The following AFDN variants were observed in gnomAD, a reference collection of about 807,000 sequenced individuals.
The protein encoded by AFDN is afadin.
In AFDN, 68 loss-of-function variants were observed where a neutral mutation model predicts 216.6. The ratio of observed to expected loss-of-function variants is 0.31; its 90% CI spans 0.26 to 0.38. AFDN has a LOEUF of 0.38. Ranked by LOEUF, AFDN falls within the 10% of genes least tolerant of loss-of-function variation. The probability of loss-of-function intolerance (pLI) is 1.00; values close to 1 mark genes in which losing one functional copy is unlikely to be tolerated. For missense variants in AFDN, 2,136 were observed against 2,342.0 expected (o/e 0.91, Z 1.82); for synonymous variants, 868 against 853.7 (o/e 1.02, Z -0.29).
intron 13 of AFDN, among the ~76,000 whole-genome samples, chr6:167,909,527 G>A (rs556543458): frequency 2.2e-4 from 33 of 152,164 alleles, no homozygotes; most frequent in African/African-American, 7.7e-4. Context: ...TTTAATGAGT[G>A]GACCAGCAAT....
chr6:167,844,720 A>G (rs1352009279), intron 1 of AFDN, among the ~76,000 whole-genome samples: 2 of 152,190 alleles, frequency 1.3e-5, no homozygotes, highest in African/African-American at 2.4e-5. Flanking sequence ...TGTTGTGACT[A>G]TGACCCTTTA....
chr6:167,865,215 G>A (rs1000625981), intron 2 of AFDN, among the ~76,000 whole-genome samples: 3 of 152,032 alleles, frequency 2.0e-5, no homozygotes, highest in Non-Finnish European at 4.4e-5. Context: ...ATAATTTAGG[G>A]TATGTATCTT....
chr6:167,937,191 G>T (rs1794116278), intron 23 of AFDN, among the ~76,000 whole-genome samples: 1 of 152,138 alleles, frequency 6.6e-6, no homozygotes, highest in Admixed American at 6.5e-5. Context: ...TGAAGTGGAG[G>T]CCCGAATGCC....
At chr6:167,968,936 G>A (rs1583094137) in intron 32 of AFDN, 178 bp from the exon 33 acceptor site, 1 of 583,482 alleles carries the variant, frequency 1.7e-6, no homozygotes, top group South Asian at 2.0e-5. Flanking sequence ...GATTACTCAG[G>A]CCACCAACAG....
At chr6:167,843,262 A>G (rs1274271837) in intron 1 of AFDN, among the ~76,000 whole-genome samples, 1 of 152,224 alleles carries the variant, frequency 6.6e-6, no homozygotes, top group East Asian at 1.9e-4. Context: ...GGAGGACTCC[A>G]GACTGCTAAA....
intron 5 of AFDN, among the ~76,000 whole-genome samples, chr6:167,877,219 A>G (rs1024464772): frequency 1.3e-5 from 2 of 152,170 alleles, no homozygotes; most frequent in Admixed American, 6.5e-5. Context: ...TTTATTGGAA[A>G]GATGTTGATG....
chr6:167,878,183 CAGA>C (rs1320759305), intron 5 of AFDN, among the ~76,000 whole-genome samples: 1 of 151,962 alleles, frequency 6.6e-6, no homozygotes, highest in African/African-American at 2.4e-5. Flanking sequence ...CTGTGAAGTG[CAGA>C]AGAACATGGA....
intron 5 of AFDN, among the ~76,000 whole-genome samples, chr6:167,878,820 A>G (rs1208343833): frequency 6.6e-6 from 1 of 152,106 alleles, no homozygotes; most frequent in African/African-American, 2.4e-5. Flanking sequence ...GGGCCTTAGC[A>G]GTTGCTGGTC....
At chr6:167,920,174 G>A (rs1791597889) in intron 21 of AFDN, among the ~76,000 whole-genome samples, 1 of 152,152 alleles carries the variant, frequency 6.6e-6, no homozygotes, top group African/African-American at 2.4e-5. Context: ...TGAAGGAAGA[G>A]GGGTAGGAGC....
chr6:167,887,059 C>T lies in AFDN; in HGVS notation c.898-2156C>T, dbSNP rs143513124. 5.7e-3 allele frequency among the ~76,000 whole-genome samples: 862 copies of T among 150,066 alleles called. 9 individuals carry two copies. The highest frequency in any genetic ancestry group is 0.02 in the African/African-American group (800 of 40,902). Reference sequence around the variant, plus strand: ...GAATGCCTGGTGTTGCATCTGATACCTGGTGTTGCTCCAGTATTTGCCAAG... The same window carrying T: ...GAATGCCTGGTGTTGCATCTGATACTTGGTGTTGCTCCAGTATTTGCCAAG... On this transcript the variant is annotated intron_variant, in intron 6 of 33. Transcript: ENST00000683244.
chr6:167,869,499 C>T (rs1477687241), intron 2 of AFDN, among the ~76,000 whole-genome samples: 3 of 152,198 alleles, frequency 2.0e-5, no homozygotes, highest in Admixed American at 1.3e-4. Context: ...ATGGATTTCT[C>T]CGAGCGACAA....
chr6:167,833,157 A>G (rs1299352616), intron 1 of AFDN, among the ~76,000 whole-genome samples: 3 of 152,210 alleles, frequency 2.0e-5, no homozygotes, highest in Admixed American at 6.5e-5. Context: ...GGGTGTTTTA[A>G]AAACCATCTT....
intron 23 of AFDN, among the ~76,000 whole-genome samples, chr6:167,935,065 C>T (rs1583467668): frequency 6.6e-6 from 1 of 152,090 alleles, no homozygotes; most frequent in African/African-American, 2.4e-5. Context: ...CATTTATTGC[C>T]ATTCTCTCTT....
intron 2 of AFDN, among the ~76,000 whole-genome samples, chr6:167,869,009 C>T (rs1241104107): frequency 1.3e-5 from 2 of 151,574 alleles, no homozygotes; most frequent in African/African-American, 2.4e-5. Flanking sequence ...CTCTTGAGCT[C>T]GATCGATCTA....
intron 1 of AFDN, among the ~76,000 whole-genome samples, chr6:167,864,079 C>T (rs1424305390): frequency 1.3e-5 from 2 of 152,152 alleles, no homozygotes; most frequent in Non-Finnish European, 2.9e-5. Flanking sequence ...GGAAAGGGAC[C>T]TCACGGGCAG....
rs932790997 is a variant in AFDN at position 167,970,425 on chromosome 6, G to A, written c.*490G>A. ...AGTGACCACACGCTCTTCTACCCGG[G>A]AAGGAACATATGACGACATGCTCCT... On this transcript the variant is annotated 3_prime_UTR_variant, in exon 34 of 34. Coordinates refer to ENST00000683244, the MANE Select transcript of AFDN (RefSeq NM_001386888.1). 3.2e-5 allele frequency: 7 copies of A among 220,708 alleles called. No individual in the cohort carries two copies. Among genetic ancestry groups the A allele is most frequent in the Non-Finnish European group, 5.4e-5 (6 of 110,510 alleles). The allele number at this position is 220,708 out of a possible 1,614,324, so 13.7% of individuals were successfully genotyped here. A position where few individuals can be genotyped will look rare whatever the true frequency, so the allele number is the denominator to read the frequency against.
At chr6:167,889,657 C>G (rs1388055269) in intron 7 of AFDN, among the ~76,000 whole-genome samples, 9 of 152,194 alleles carry the variant, frequency 5.9e-5, no homozygotes, top group Admixed American at 5.9e-4. Context: ...TGCTGTAGAG[C>G]TTTCTGCCTC....
At chr6:167,953,539 C>G (rs1258237738) in intron 30 of AFDN, among the ~76,000 whole-genome samples, 1 of 152,188 alleles carries the variant, frequency 6.6e-6, no homozygotes, top group African/African-American at 2.4e-5. Context: ...TGTTTTACTA[C>G]TATTTTTATT....
At position 167,880,448 on chromosome 6, in the gene AFDN, T is replaced by G. The variant is rs1435686740; in HGVS notation, c.828T>G (p.Phe276Leu). The G allele has an allele frequency of 6.2e-7, 1 of 1,613,896 alleles. No homozygotes were observed. The highest frequency in any genetic ancestry group is 8.5e-7 in the Non-Finnish European group (1 of 1,179,810). Residue 276 changes from phenylalanine to leucine, a missense_variant, in exon 6 of 34, where the codon TTT becomes TTG. Phe to Leu is a conservative substitution (Grantham distance 22). Transcript: ENST00000683244. Reference sequence around the variant, plus strand: ...TGTCTACTACAGATCCTGCAGACTTTGCTGTGGCTGAAGCTTTAGAGAAGT... The same window carrying G: ...TGTCTACTACAGATCCTGCAGACTTGGCTGTGGCTGAAGCTTTAGAGAAGT... ...ILLSTTDPAD[F>L]AVAEALEKYG...
Sources: allele counts gnomAD v4.1 joint callset (sites outside exome capture counted in the v4.1 genomes callset), GRCh38; gene constraint gnomAD v4.1.1; transcripts MANE v1.5; gene names NCBI Gene and HGNC (gene_info 2026-07-23, HGNC 2026-07-21).